The following IL17B variants were observed in gnomAD, a reference collection of about 807,000 sequenced individuals.
IL17B encodes interleukin-17B.
IL17B carries 14 observed loss-of-function variants against 14.7 expected under a neutral mutation model. The ratio of observed to expected loss-of-function variants is 0.95; its 90% CI spans 0.63 to 1.49. The LOEUF is 1.49. Among genes scored for constraint, IL17B ranks in the 40% most tolerant of loss-of-function variants. IL17B has a pLI of 0.00. For synonymous variants in IL17B, 105 were observed against 94.8 expected (o/e 1.11, Z -0.62); for missense variants, 233 against 252.8 (o/e 0.92, Z 0.53).
At chr5:149,391,519 G>A (rs569406950) in intron 1 of IL17B, among the ~76,000 whole-genome samples, 236 of 152,276 alleles carry the variant, frequency 1.5e-3, no homozygotes, top group African/African-American at 5.4e-3. Context: ...AGAGTTTTAG[G>A]GGGCTTAAGT....
chr5:149,378,001 G>A (rs901474152), intron 1 of IL17B, among the ~76,000 whole-genome samples: 112 of 152,166 alleles, frequency 7.4e-4, no homozygotes, highest in African/African-American at 2.4e-3. Context: ...AAAATTAGCC[G>A]GGTGTGGTGG....
chr5:149,398,627 C>T (rs1759143587), intron 1 of IL17B, among the ~76,000 whole-genome samples: 1 of 152,208 alleles, frequency 6.6e-6, no homozygotes, highest in Admixed American at 6.5e-5. Flanking sequence ...GTTATTGGGG[C>T]TGGGCCCAGT....
intron 1 of IL17B, among the ~76,000 whole-genome samples, chr5:149,389,003 C>T (rs1290457334): frequency 6.6e-6 from 1 of 152,200 alleles, no homozygotes; most frequent in East Asian, 1.9e-4. Flanking sequence ...AAGGCCATAA[C>T]GTAAAGTCTA....
At chr5:149,403,210 A>G (rs1285417077) in intron 1 of IL17B, among the ~76,000 whole-genome samples, 1 of 151,812 alleles carries the variant, frequency 6.6e-6, no homozygotes, top group Non-Finnish European at 1.5e-5. Flanking sequence ...TCAGCCTCCC[A>G]AGGAGCTGGG....
At chr5:149,404,051 A>G (rs900180048) in intron 1 of IL17B, 3 of 151,940 alleles carry the variant, frequency 2.0e-5, no homozygotes, top group Non-Finnish European at 1.5e-5. Flanking sequence ...TCACTCTCAT[A>G]CTCAGCTCCT....
chr5:149,396,847 A>G (rs1371856226), intron 1 of IL17B, among the ~76,000 whole-genome samples: 1 of 152,236 alleles, frequency 6.6e-6, no homozygotes, highest in Non-Finnish European at 1.5e-5. Flanking sequence ...AATATCAGCA[A>G]GTGCCTTTGG....
upstream of IL17B, among the ~76,000 whole-genome samples, chr5:149,380,259 T>C (rs1581386696): frequency 6.6e-6 from 1 of 152,242 alleles, no homozygotes; most frequent in Admixed American, 6.5e-5. Flanking sequence ...AAAACTGCTA[T>C]AAGGAATAAA....
chr5:149,402,907 G>T (rs1759238007), intron 1 of IL17B, among the ~76,000 whole-genome samples: 1 of 150,608 alleles, frequency 6.6e-6, no homozygotes, highest in South Asian at 2.1e-4. Flanking sequence ...GGAGGCTGAG[G>T]TGGGAGAATC....
chr5:149,381,526 T>C (rs529852789), upstream of IL17B, among the ~76,000 whole-genome samples: 41 of 152,356 alleles, frequency 2.7e-4, no homozygotes, highest in Non-Finnish European at 5.3e-4. Flanking sequence ...TCAGACTTTA[T>C]ACAAACAGCT....
At chr5:149,384,549 C>G (rs1758781240) in intron 1 of IL17B, among the ~76,000 whole-genome samples, 1 of 152,224 alleles carries the variant, frequency 6.6e-6, no homozygotes, top group Non-Finnish European at 1.5e-5. Context: ...TGAACCTCAT[C>G]CCTGCTATGT....
chr5:149,386,599 A>C (rs1329870198), intron 1 of IL17B, among the ~76,000 whole-genome samples: 6 of 152,224 alleles, frequency 3.9e-5, no homozygotes, highest in Non-Finnish European at 5.9e-5. Flanking sequence ...GTGACCTTCA[A>C]GGAATTAGCC....
intron 1 of IL17B, among the ~76,000 whole-genome samples, chr5:149,395,159 C>A (rs779393231): frequency 6.6e-6 from 1 of 152,124 alleles, no homozygotes; most frequent in Non-Finnish European, 1.5e-5. Context: ...ATAATGACCT[C>A]CAGCTTCCAT....
intron 2 of IL17B, among the ~76,000 whole-genome samples, chr5:149,375,621 T>C (rs1277291772): frequency 6.6e-6 from 1 of 152,220 alleles, no homozygotes; most frequent in Non-Finnish European, 1.5e-5. Context: ...GCATGGTGGC[T>C]TACGCCTGTA....
chr5:149,390,630 C>CAG (rs1554108482), intron 1 of IL17B, among the ~76,000 whole-genome samples: 2,551 of 131,694 alleles, frequency 0.019, 66 homozygotes, highest in Middle Eastern at 0.067. Context: ...CACACACACA[C>CAG]AGAGATACAC....
Position 149,379,263 on chromosome 5 carries a change from G to C in IL17B, c.-38C>G, listed in dbSNP as rs372213160. 7 of 1,613,018 alleles carry C rather than the reference G, an allele frequency of 4.3e-6. No homozygotes were observed. The highest frequency in any genetic ancestry group is 1.3e-5 in the African/African-American group (1 of 74,906). On this transcript the variant is annotated 5_prime_UTR_variant, in exon 1 of 3. Transcript: ENST00000261796. Reference sequence around the variant, plus strand: ...CAAGGTCAGCCTGCAGCTGCTGCCCGCCTGGAACCCCAGATGCCGCCGAGA... The same window carrying C: ...CAAGGTCAGCCTGCAGCTGCTGCCCCCCTGGAACCCCAGATGCCGCCGAGA...
chr5:149,385,524 C>T (rs1053853849), intron 1 of IL17B, among the ~76,000 whole-genome samples: 2 of 152,246 alleles, frequency 1.3e-5, no homozygotes, highest in Non-Finnish European at 2.9e-5. Context: ...CCATGTGGGG[C>T]TGTCAGGCCT....
chr5:149,377,909 C>T (rs146941373), intron 1 of IL17B, among the ~76,000 whole-genome samples: 79 of 152,092 alleles, frequency 5.2e-4, no homozygotes, highest in Admixed American at 1.8e-3. Context: ...TTTGGGAGGC[C>T]GAGGCGGGCA....
upstream of IL17B, among the ~76,000 whole-genome samples, chr5:149,382,330 G>A (rs575413661): frequency 7.2e-5 from 11 of 152,304 alleles, no homozygotes; most frequent in East Asian, 1.5e-3. Context: ...TCCAGGGGTC[G>A]GGTGAGGGCT....
At chr5:149,400,586 G>A (rs898611327) in intron 1 of IL17B, among the ~76,000 whole-genome samples, 5 of 152,328 alleles carry the variant, frequency 3.3e-5, no homozygotes, top group African/African-American at 1.2e-4. Flanking sequence ...TCACATGACA[G>A]TGGAGCTCCC....
Sources: allele counts gnomAD v4.1 joint callset (sites outside exome capture counted in the v4.1 genomes callset), GRCh38; gene constraint gnomAD v4.1.1; transcripts MANE v1.5; gene names NCBI Gene and HGNC (gene_info 2026-07-23, HGNC 2026-07-21).